SLC7A1: variants seen among roughly 807,000 people sequenced by gnomAD.
The protein encoded by SLC7A1 is high affinity cationic amino acid transporter 1.
SLC7A1 carries 10 observed loss-of-function variants against 53.9 expected under a neutral mutation model. The ratio of observed to expected loss-of-function variants is 0.19; its 90% CI spans 0.11 to 0.31. The LOEUF (loss-of-function observed/expected upper bound fraction) is 0.31, where lower values mean the gene tolerates loss of function less well. Among genes scored for constraint, SLC7A1 ranks in the 10% least tolerant of loss-of-function variants. SLC7A1 has a pLI of 1.00. For synonymous variants in SLC7A1, 342 were observed against 338.7 expected, an observed-to-expected ratio of 1.01 and a Z score of -0.11; for missense variants, 525 against 827.2, an observed-to-expected ratio of 0.63 and a Z score of 4.48.
chr13:29,517,727 T>C lies in SLC7A1; in HGVS notation c.1356A>G (p.Pro452=). 6.2e-7 allele frequency: 1 copy of C among 1,614,238 alleles called. No homozygotes were observed. The highest frequency in any genetic ancestry group is 1.1e-5 in the South Asian group (1 of 91,084). ...QMASTSDELD[P]ADQNELASTN... ...TGCTTGCCAATTCATTTTGGTCTGC[T>C]GGATCTAACTCGTCGGAAGTACTGG... Residue 452 remains proline, a synonymous_variant, in exon 10 of 13, where the codon CCA becomes CCG. Transcript: ENST00000380752.
Position 29,546,251 on chromosome 13 carries a change from C to T in SLC7A1, c.-15+7510G>A, listed in dbSNP as rs146392308. ...ACGAAACAGGCTTTAAGTTCCCTGC[C>T]GGCACTGCATTCGGGCCTTGGAAAT... On this transcript the variant is annotated intron_variant, in intron 2 of 12. Transcript: ENST00000380752. Among the ~76,000 whole-genome samples the T allele has an allele frequency of 2.8e-3, 425 of 152,294 alleles. 1 individual carries two copies. Among genetic ancestry groups the T allele is most frequent in the African/African-American group, 9.6e-3 (400 of 41,574 alleles).
chr13:29,594,789 G>A (rs145014058), intron 1 of SLC7A1, among the ~76,000 whole-genome samples: 1,534 of 152,284 alleles, frequency 0.01, 18 homozygotes, highest in Non-Finnish European at 0.016. Flanking sequence ...GGCGCGTCCC[G>A]GGTTCTAGGG....
intron 2 of SLC7A1, among the ~76,000 whole-genome samples, chr13:29,539,319 T>C (rs148838864): frequency 0.011 from 1,606 of 152,198 alleles, 28 homozygotes; most frequent in African/African-American, 0.037. Flanking sequence ...GGAAGGCGAA[T>C]GTGAGCCGGC....
chr13:29,534,570 C>T (rs966314802), intron 3 of SLC7A1, among the ~76,000 whole-genome samples: 5 of 152,174 alleles, frequency 3.3e-5, no homozygotes, highest in African/African-American at 1.2e-4. Flanking sequence ...AGGTGCTGCT[C>T]GGAGAATGTG....
chr13:29,514,489 C>T lies in SLC7A1; in HGVS notation c.1881G>A (p.Gln627=). The T allele has an allele frequency of 1.9e-6, 3 of 1,609,474 alleles. No homozygotes were observed. The highest frequency in any genetic ancestry group is 1.1e-5 in the South Asian group (1 of 91,070). Residue 627 remains glutamine, a synonymous_variant, in exon 13 of 13, where the codon CAG becomes CAA. Transcript: ENST00000380752. ...QARTPDGNLD[Q]CK ...GGGGCGGGGCTGTGCGTCACTTGCA[C>T]TGGTCCAAGTTGCCGTCAGGAGTCC...
chr13:29,570,223 T>A (rs1374812956), intron 1 of SLC7A1, among the ~76,000 whole-genome samples: 2 of 152,144 alleles, frequency 1.3e-5, no homozygotes. Flanking sequence ...GAACTCAGCA[T>A]GGAGGAGGAG....
intron 10 of SLC7A1, 30 bp downstream of exon 10, chr13:29,517,543 G>C (rs373635088): frequency 3.3e-5 from 51 of 1,562,198 alleles, no homozygotes; most frequent in Non-Finnish European, 4.0e-5. Flanking sequence ...ATGCCAACAA[G>C]CAAGGCCCCA....
At chr13:29,594,989 G>C (rs1007413992) in intron 1 of SLC7A1, among the ~76,000 whole-genome samples, 1 of 151,954 alleles carries the variant, frequency 6.6e-6, no homozygotes, top group Non-Finnish European at 1.5e-5. Flanking sequence ...TGTAAGGGAA[G>C]GTCTCCTCGC....
intron 2 of SLC7A1, among the ~76,000 whole-genome samples, chr13:29,537,712 A>G (rs2139108263): frequency 6.6e-6 from 1 of 152,364 alleles, no homozygotes; most frequent in South Asian, 2.1e-4. Context: ...TTTATTTTAA[A>G]AATCTAAGAC....
chr13:29,530,996 A>G (rs1385503793), intron 4 of SLC7A1, among the ~76,000 whole-genome samples: 1 of 152,178 alleles, frequency 6.6e-6, no homozygotes, highest in Non-Finnish European at 1.5e-5. Context: ...CGAGAACTGC[A>G]GAGATCTGGA....
chr13:29,542,547 G>T (rs1398684979), intron 2 of SLC7A1, among the ~76,000 whole-genome samples: 1 of 152,106 alleles, frequency 6.6e-6, no homozygotes, highest in Non-Finnish European at 1.5e-5. Context: ...GCTGGGCACT[G>T]TGGTATGCAT....
At chr13:29,549,231 G>A (rs780038651) in intron 2 of SLC7A1, among the ~76,000 whole-genome samples, 50 of 152,246 alleles carry the variant, frequency 3.3e-4, no homozygotes, top group South Asian at 2.1e-4. Context: ...CCAATTGCCC[G>A]CATGCTCACC....
chr13:29,549,225 T>C (rs912756112), intron 2 of SLC7A1, among the ~76,000 whole-genome samples: 9 of 152,106 alleles, frequency 5.9e-5, no homozygotes, highest in Non-Finnish European at 1.3e-4. Context: ...AAATGGCCAA[T>C]TGCCCGCATG....
intron 1 of SLC7A1, among the ~76,000 whole-genome samples, chr13:29,593,750 C>G (rs1872198028): frequency 6.6e-6 from 1 of 151,716 alleles, no homozygotes. Flanking sequence ...ACAGTCTTGT[C>G]TTTCAAGCCT....
At chr13:29,559,934 C>A (rs1055967045) in intron 1 of SLC7A1, among the ~76,000 whole-genome samples, 14 of 152,076 alleles carry the variant, frequency 9.2e-5, no homozygotes, top group Non-Finnish European at 1.6e-4. Context: ...CCAGGATGGT[C>A]TCAATCTCCT....
chr13:29,540,837 T>G (rs1279425687), intron 2 of SLC7A1, among the ~76,000 whole-genome samples: 1 of 152,222 alleles, frequency 6.6e-6, no homozygotes, highest in Non-Finnish European at 1.5e-5. Flanking sequence ...TACGTTTGTA[T>G]CAGGCTAAGG....
chr13:29,519,595 C>A (rs1868527084), intron 8 of SLC7A1, 46 bp from the exon 9 acceptor site: 8 of 1,219,608 alleles, frequency 6.6e-6, no homozygotes, highest in African/African-American at 1.5e-5. Context: ...CATCTGCATG[C>A]AATGACAACC....
chr13:29,565,481 G>A (rs1251231534), intron 1 of SLC7A1, among the ~76,000 whole-genome samples: 1 of 152,136 alleles, frequency 6.6e-6, no homozygotes, highest in Non-Finnish European at 1.5e-5. Context: ...GGGAAGAGGG[G>A]GCCTGCTGTT....
chr13:29,539,862 G>A (rs1425899220), intron 2 of SLC7A1, among the ~76,000 whole-genome samples: 1 of 152,180 alleles, frequency 6.6e-6, no homozygotes, highest in African/African-American at 2.4e-5. Flanking sequence ...AGAAGCCCAG[G>A]GCTGATAATC....
Sources: gnomAD v4.1 joint callset for allele counts (sites outside exome capture counted in the v4.1 genomes callset) on GRCh38, gnomAD v4.1.1 for gene constraint, MANE v1.5 for transcripts, NCBI Gene and HGNC (gene_info 2026-07-23, HGNC 2026-07-21) for gene names.